The following NSD1 variants were observed in gnomAD, a reference collection of about 807,000 sequenced individuals.
The protein encoded by NSD1 is nuclear receptor binding SET domain protein 1, also known as histone-lysine N-methyltransferase, H3 lysine-36 specific.
Under a neutral mutation model 242.7 loss-of-function variants are expected in NSD1, and 26 were observed. That is an observed-to-expected ratio of 0.11 (90% CI 0.08 to 0.15). The LOEUF is 0.15. Among genes scored for constraint, NSD1 ranks in the 10% least tolerant of loss-of-function variants. NSD1 has a pLI of 1.00. For synonymous variants in NSD1, 1,106 were observed against 1,178.1 expected (o/e 0.94, Z 1.25); for missense variants, 2,495 against 3,272.8 (o/e 0.76, Z 5.80).
chr5:177,273,638 A>AT, intron 16 of NSD1, 34 bp from the exon 17 acceptor site: 2 of 1,486,650 alleles, frequency 1.3e-6, no homozygotes, highest in Non-Finnish European at 1.9e-6. Flanking sequence ...CCACCCAGAG[A>AT]TTTTGAAGTG....
chr5:177,279,624 T>A (rs867196178), intron 17 of NSD1, among the ~76,000 whole-genome samples: 7,247 of 132,940 alleles, frequency 0.055, 295 homozygotes, highest in South Asian at 0.099. Context: ...TTTTTTTTTT[T>A]TTTTTTTTTT....
intron 5 of NSD1, among the ~76,000 whole-genome samples, chr5:177,220,563 CTTTT>C (rs869220346): frequency 1.3e-4 from 11 of 84,350 alleles, no homozygotes; most frequent in Admixed American, 4.1e-4. Context: ...ATAGTAATTG[CTTTT>C]TTTTTTTTTT....
intron 12 of NSD1, among the ~76,000 whole-genome samples, chr5:177,255,733 C>T (rs7706612): frequency 0.47 from 71,232 of 151,864 alleles, 18,009 homozygotes; most frequent in Admixed American, 0.57. Flanking sequence ...TAGGCGCCTG[C>T]CACCACACCC....
chr5:177,259,427 C>T (rs748708995), intron 13 of NSD1, among the ~76,000 whole-genome samples: 2 of 152,174 alleles, frequency 1.3e-5, no homozygotes, highest in African/African-American at 4.8e-5. Context: ...TTTGAGGTCA[C>T]GTCCAGCCTT....
intron 21 of NSD1, among the ~76,000 whole-genome samples, chr5:177,290,639 C>A (rs560692896): frequency 7.7e-6 from 1 of 129,960 alleles, no homozygotes; most frequent in Admixed American, 7.2e-5. Flanking sequence ...AAACTCCTGA[C>A]CTCAGGTGAT....
At chr5:177,216,218 A>G (rs1763761426) in intron 5 of NSD1, among the ~76,000 whole-genome samples, 2 of 152,354 alleles carry the variant, frequency 1.3e-5, no homozygotes, top group South Asian at 2.1e-4. Context: ...AGAGTTATTC[A>G]TATATCCTGG....
chr5:177,289,808 T>C (rs1293857650), intron 21 of NSD1, among the ~76,000 whole-genome samples: 1 of 151,486 alleles, frequency 6.6e-6, no homozygotes, highest in African/African-American at 2.4e-5. Context: ...ATATTCTCCT[T>C]ATTTTTTTTG....
intron 16 of NSD1, among the ~76,000 whole-genome samples, chr5:177,273,073 C>T (rs1023404495): frequency 6.6e-6 from 1 of 151,920 alleles, no homozygotes; most frequent in Non-Finnish European, 1.5e-5. Context: ...AGCATGTTTC[C>T]GAAAGTGGGA....
intron 5 of NSD1, among the ~76,000 whole-genome samples, chr5:177,219,375 CG>C: frequency 6.6e-6 from 1 of 151,948 alleles, no homozygotes; most frequent in East Asian, 1.9e-4. Context: ...TTAGTAGAGA[CG>C]GGGTTTCACT....
intron 17 of NSD1, among the ~76,000 whole-genome samples, chr5:177,274,133 G>A (rs772541015): frequency 3.9e-5 from 6 of 151,984 alleles, no homozygotes; most frequent in Non-Finnish European, 7.4e-5. Flanking sequence ...AAGCCTGGGC[G>A]ACAGAGTAAG....
chr5:177,208,809 C>T (rs181801805), intron 4 of NSD1, among the ~76,000 whole-genome samples: 6 of 152,174 alleles, frequency 3.9e-5, no homozygotes, highest in Admixed American at 6.5e-5. Context: ...GATTCTCCTG[C>T]CTCAGCCTCC....
rs1756259708 is a variant in NSD1, at chr5:177,135,712, A to G, written c.609A>G (p.Val203=). The G allele has an allele frequency of 6.2e-7, 1 of 1,614,234 alleles. No homozygotes were observed. Among genetic ancestry groups the G allele is most frequent in the South Asian group, 1.1e-5 (1 of 91,084 alleles). Residue 203 remains valine (V), a synonymous_variant, in exon 2 of 23, where the codon GTA becomes GTG. Coordinates refer to ENST00000439151, the MANE Select transcript of NSD1 (RefSeq NM_022455.5). ...ATGAGACTAAATCAGAGAATGGTGTAAAAGTGGCCATGGGAAGTGAACAAG... is the reference window on the plus strand; with the variant it reads ...ATGAGACTAAATCAGAGAATGGTGTGAAAGTGGCCATGGGAAGTGAACAAG... ...CNYETKSENG[V]KVAMGSEQDS... is the part of the protein sequence containing the mutation.
intron 2 of NSD1, among the ~76,000 whole-genome samples, chr5:177,143,783 CTT>C (rs11300578): frequency 0.15 from 18,240 of 120,870 alleles, 1,038 homozygotes; most frequent in East Asian, 0.44. Context: ...TACAAGATAA[CTT>C]TTTTTTTTTT....
chr5:177,197,686 C>T (rs530907618), intron 3 of NSD1, among the ~76,000 whole-genome samples: 3 of 152,340 alleles, frequency 2.0e-5, no homozygotes, highest in South Asian at 4.1e-4. Flanking sequence ...CCCCTACCTT[C>T]GACCCCAATA....
chr5:177,248,556 T>C lies in NSD1; in HGVS notation c.4641+232T>C, dbSNP rs1000323687. On this transcript the variant is annotated intron_variant, in intron 11 of 22. Coordinates refer to ENST00000439151, the MANE Select transcript of NSD1 (RefSeq NM_022455.5). ...TGCCCTTAAGGCCCATGAAGGAATA[T>C]ATGCCGCGAAACAAGTCTGAGATGG... 6.6e-5 allele frequency among the ~76,000 whole-genome samples: 10 copies of C among 152,152 alleles called. No homozygotes were observed. The South Asian group carries it at 1.2e-3, about 19-fold the overall frequency.
At chr5:177,194,468 T>C (rs1190246045) in intron 3 of NSD1, among the ~76,000 whole-genome samples, 2 of 147,396 alleles carry the variant, frequency 1.4e-5, no homozygotes, top group African/African-American at 2.5e-5. Context: ...TGGGTGGAGA[T>C]AGTGTCTCCA....
In NSD1 at chr5:177,134,485, C is replaced by T. The variant is rs1264800403; in HGVS notation, c.-18+533C>T. Among the ~76,000 whole-genome samples, 1 of 152,158 alleles carries T rather than the reference C, an allele frequency of 6.6e-6. No individual in the cohort carries two copies. The highest frequency in any genetic ancestry group is 2.4e-5 in the African/African-American group (1 of 41,450). ...GTTTCTCCCTCTGCCGGGTCCAGGC[C>T]TCTTCGCCCTGCAGCTGCGGATCCA... On this transcript the variant is annotated intron_variant, in intron 1 of 22. Coordinates refer to ENST00000439151, the MANE Select transcript of NSD1 (RefSeq NM_022455.5). The surrounding 1 kb of genome is among the most constrained non-coding windows in gnomAD (Gnocchi z 4.2).
At chr5:177,169,814 C>T (rs554954793) in intron 2 of NSD1, among the ~76,000 whole-genome samples, 1 of 152,268 alleles carries the variant, frequency 6.6e-6, no homozygotes, top group East Asian at 1.9e-4. Context: ...ATTCCAATAT[C>T]AAATTGCAAA....
intron 2 of NSD1, among the ~76,000 whole-genome samples, chr5:177,186,836 G>A (rs907055181): frequency 6.6e-6 from 1 of 152,048 alleles, no homozygotes; most frequent in Non-Finnish European, 1.5e-5. Context: ...GTGTGGTGGT[G>A]TGTGCCTTTA....
Sources: gnomAD v4.1 joint callset for allele counts (sites outside exome capture counted in the v4.1 genomes callset) on GRCh38, gnomAD v4.1.1 for gene constraint, Gnocchi (gnomAD v3.1) non-coding constraint, MANE v1.5 for transcripts, NCBI Gene and HGNC (gene_info 2026-07-23, HGNC 2026-07-21) for gene names.